TMEM178B: variants seen among roughly 807,000 people sequenced by gnomAD.
TMEM178B encodes the protein transmembrane protein 178B.
Under a neutral mutation model 31.0 loss-of-function variants are expected in TMEM178B, and 5 were observed. The ratio of observed to expected loss-of-function variants is 0.16; its 90% CI spans 0.08 to 0.34. The LOEUF (loss-of-function observed/expected upper bound fraction) is 0.34, where lower values mean the gene tolerates loss of function less well. TMEM178B is among the 10% of genes least tolerant of loss of function. TMEM178B has a pLI of 1.00. For synonymous variants in TMEM178B, 164 were observed against 164.0 expected (o/e 1.00, Z 0.00); for missense variants, 275 against 400.3 (o/e 0.69, Z 2.67).
At chr7:141,119,790 A>T (rs1795380551) in intron 1 of TMEM178B, among the ~76,000 whole-genome samples, 1 of 152,106 alleles carries the variant, frequency 6.6e-6, no homozygotes, top group Non-Finnish European at 1.5e-5. Flanking sequence ...TTTGGATTGG[A>T]TACCCTCTGG....
chr7:141,343,525 C>CTTTTTTTTTTTT (rs11442055), intron 2 of TMEM178B, among the ~76,000 whole-genome samples: 1 of 87,000 alleles, frequency 1.1e-5, no homozygotes, highest in Non-Finnish European at 2.1e-5. Context: ...ATGGGAGCAC[C>CTTTTTTTTTTTT]TTTTTTTTTT....
intron 2 of TMEM178B, among the ~76,000 whole-genome samples, chr7:141,290,219 A>AG (rs1420921550): frequency 3.3e-5 from 5 of 152,228 alleles, no homozygotes; most frequent in Non-Finnish European, 2.9e-5. Context: ...AACTCTTGGG[A>AG]GAAAGCATCT....
At chr7:141,427,400 A>C (rs1168099631) in intron 2 of TMEM178B, among the ~76,000 whole-genome samples, 1 of 152,226 alleles carries the variant, frequency 6.6e-6, no homozygotes, top group Non-Finnish European at 1.5e-5. Flanking sequence ...AAATAAAGCC[A>C]CATGTTTACA....
At chr7:141,427,113 T>C (rs533356776) in intron 2 of TMEM178B, among the ~76,000 whole-genome samples, 15 of 152,320 alleles carry the variant, frequency 9.8e-5, no homozygotes, top group Non-Finnish European at 2.2e-4. Context: ...GAATAATTTA[T>C]ATTGTTAAAA....
intron 2 of TMEM178B, among the ~76,000 whole-genome samples, chr7:141,364,495 C>T (rs1799969632): frequency 6.6e-6 from 1 of 151,714 alleles, no homozygotes; most frequent in South Asian, 2.1e-4. Context: ...CCCGTCTCTA[C>T]CCAAAATACA....
rs180680242 is a variant in TMEM178B at position 141,328,849 on chromosome 7, A to G, written c.497-108759A>G. ...GAAAACAGCTAGTATAAGATCAGCT[A>G]TACTTCCAGCTCCTTTTTCTACAGG... is the stretch of plus-strand genomic sequence containing the variant. On this transcript the variant is annotated intron_variant, in intron 2 of 3. Transcript: ENST00000565468. Among the ~76,000 whole-genome samples the G allele has an allele frequency of 3.3e-5, 5 of 152,354 alleles. No individual in the cohort carries two copies. The East Asian group carries it at 9.6e-4, about 29-fold the overall frequency.
intron 1 of TMEM178B, among the ~76,000 whole-genome samples, chr7:141,151,218 G>A (rs369037064): frequency 2.2e-4 from 33 of 152,234 alleles, no homozygotes; most frequent in African/African-American, 7.5e-4. Flanking sequence ...AAATGGCCGT[G>A]GAGATAGAAA....
At chr7:141,227,910 G>A (rs1425679098) in intron 2 of TMEM178B, among the ~76,000 whole-genome samples, 2 of 152,206 alleles carry the variant, frequency 1.3e-5, no homozygotes, top group Admixed American at 1.3e-4. Context: ...ACATTTATCA[G>A]CACTAACTAT....
At chr7:141,355,634 G>A (rs1464504114) in intron 2 of TMEM178B, among the ~76,000 whole-genome samples, 4 of 152,210 alleles carry the variant, frequency 2.6e-5, no homozygotes, top group Non-Finnish European at 4.4e-5. Flanking sequence ...ACGCAGGTTA[G>A]GGTTGTTTTT....
intron 2 of TMEM178B, among the ~76,000 whole-genome samples, chr7:141,287,753 G>A (rs1187091894): frequency 3.3e-5 from 5 of 152,136 alleles, no homozygotes; most frequent in Non-Finnish European, 5.9e-5. Context: ...GTGCTTTATC[G>A]GGGCCTGAAT....
chr7:141,490,101 G>A, the TMEM178B span, among the ~76,000 whole-genome samples: 1 of 152,136 alleles, frequency 6.6e-6, no homozygotes, highest in East Asian at 1.9e-4. Flanking sequence ...GATTTGCAGA[G>A]TCCATCTGTG....
intron 1 of TMEM178B, among the ~76,000 whole-genome samples, chr7:141,158,769 G>C (rs1247008569): frequency 6.6e-6 from 1 of 152,114 alleles, no homozygotes; most frequent in Non-Finnish European, 1.5e-5. Context: ...TCTGCTTGGA[G>C]ATGCGGTCTG....
chr7:141,118,475 G>A (rs1795356341), intron 1 of TMEM178B, among the ~76,000 whole-genome samples: 1 of 152,236 alleles, frequency 6.6e-6, no homozygotes, highest in Admixed American at 6.5e-5. Context: ...TGAAATGAGT[G>A]AGTATATGTG....
chr7:141,129,829 C>A (rs1402442025), intron 1 of TMEM178B, among the ~76,000 whole-genome samples: 3 of 151,898 alleles, frequency 2.0e-5, no homozygotes, highest in African/African-American at 7.3e-5. Flanking sequence ...CCCAGAAAGG[C>A]AGGATAATTC....
At chr7:141,188,060 G>T (rs961380337) in intron 1 of TMEM178B, among the ~76,000 whole-genome samples, 1 of 152,104 alleles carries the variant, frequency 6.6e-6, no homozygotes, top group African/African-American at 2.4e-5. Flanking sequence ...TTCTTCTAGG[G>T]TTTTTATGGT....
chr7:141,304,566 C>T (rs1435271578), intron 2 of TMEM178B, among the ~76,000 whole-genome samples: 1 of 152,184 alleles, frequency 6.6e-6, no homozygotes, highest in African/African-American at 2.4e-5. Context: ...CTGCTGTGAC[C>T]ACCATCATCT....
intron 1 of TMEM178B, among the ~76,000 whole-genome samples, chr7:141,109,258 T>C (rs1170696347): frequency 1.3e-5 from 2 of 151,780 alleles, no homozygotes; most frequent in African/African-American, 2.4e-5. Context: ...TAGGCTGAGA[T>C]ATGTGGACCA....
At chr7:141,398,076 C>T (rs1445916537) in intron 2 of TMEM178B, among the ~76,000 whole-genome samples, 1 of 152,060 alleles carries the variant, frequency 6.6e-6, no homozygotes, top group Non-Finnish European at 1.5e-5. Context: ...GTCACCAAGG[C>T]AAGTTTGGGG....
At chr7:141,407,076 T>TA (rs1800897752) in intron 2 of TMEM178B, among the ~76,000 whole-genome samples, 1 of 152,226 alleles carries the variant, frequency 6.6e-6, no homozygotes, top group African/African-American at 2.4e-5. Context: ...CAGGAATACC[T>TA]ATTGCTTCCT....
Sources: allele counts gnomAD v4.1 joint callset (sites outside exome capture counted in the v4.1 genomes callset), GRCh38; gene constraint gnomAD v4.1.1; transcripts MANE v1.5; gene names NCBI Gene and HGNC (gene_info 2026-07-23, HGNC 2026-07-21).